The following NELL2 variants were observed in gnomAD, a reference collection of about 807,000 sequenced individuals.
NELL2 encodes neural EGFL like 2.
In NELL2, 41 loss-of-function variants were observed where a neutral mutation model predicts 109.6. The observed-to-expected ratio is 0.37, with a 90% CI of 0.29 to 0.49. NELL2 has a LOEUF of 0.49. Ranked by LOEUF, NELL2 falls within the 20% of genes least tolerant of loss-of-function variation. The pLI, the probability that NELL2 is intolerant of heterozygous loss-of-function variation, is 0.98. For missense variants in NELL2, 900 were observed against 1,008.3 expected, an observed-to-expected ratio of 0.89 and a Z score of 1.45; for synonymous variants, 355 against 344.7, an observed-to-expected ratio of 1.03 and a Z score of -0.33.
At chr12:44,852,903 G>T (rs187367725) in intron 2 of NELL2, among the ~76,000 whole-genome samples, 1 of 152,108 alleles carries the variant, frequency 6.6e-6, no homozygotes, top group East Asian at 1.9e-4. Context: ...ACTATGAGAT[G>T]CTTTATTGTA....
In NELL2 at chr12:44,600,329, C is replaced by T. The variant is rs559364894; in HGVS notation, c.1663+6840G>A. ...CGGCCGGAAAACCTAGAATTCTATA[C>T]CCAAGAGTTGGCCACTAATAGAACT... is the stretch of plus-strand genomic sequence containing the variant. On this transcript the variant is annotated intron_variant, in intron 15 of 19. Transcript: ENST00000429094. Among the ~76,000 whole-genome samples the T allele has an allele frequency of 6.6e-5, 10 of 151,582 alleles. No homozygotes were observed. In the South Asian group the frequency reaches 2.1e-3, roughly 32 times the overall value.
intron 13 of NELL2, among the ~76,000 whole-genome samples, chr12:44,614,017 T>G (rs962643642): frequency 6.6e-6 from 1 of 152,038 alleles, no homozygotes; most frequent in South Asian, 2.1e-4. Flanking sequence ...TATGTTCCAA[T>G]GTTTAAGAAG....
chr12:44,779,504 G>T (rs1406684073), intron 5 of NELL2, among the ~76,000 whole-genome samples, 159 bp downstream of exon 5: 1 of 152,046 alleles, frequency 6.6e-6, no homozygotes, highest in Non-Finnish European at 1.5e-5. Flanking sequence ...AATAATGTTT[G>T]CTGGCTAAAA....
At chr12:44,855,778 T>C (rs577482276) in intron 2 of NELL2, among the ~76,000 whole-genome samples, 1 of 152,316 alleles carries the variant, frequency 6.6e-6, no homozygotes, top group Admixed American at 6.5e-5. Context: ...ATGTCCAGGT[T>C]CTTCAAAATG....
intron 2 of NELL2, among the ~76,000 whole-genome samples, chr12:44,868,451 T>C (rs1347383468): frequency 6.6e-6 from 1 of 152,198 alleles, no homozygotes; most frequent in Non-Finnish European, 1.5e-5. Context: ...ATTAATTAGG[T>C]TGATCTCACA....
rs143959643 is a variant in NELL2, at chr12:44,851,428, A to C, written c.184+23797T>G. ...GTTCTAAAACCTCAGACAAGCCAAA[A>C]TTTGGACTCTTTGTTTATGATTGCA... On this transcript the variant is annotated intron_variant, in intron 2 of 19. Transcript: ENST00000429094. Among the ~76,000 whole-genome samples, 17 of 152,302 alleles carry C rather than the reference A, an allele frequency of 1.1e-4. No homozygotes were observed. In the East Asian group the frequency reaches 3.3e-3, roughly 29 times the overall value.
intron 13 of NELL2, among the ~76,000 whole-genome samples, chr12:44,664,063 A>G (rs540387651): frequency 6.6e-6 from 1 of 152,232 alleles, no homozygotes; most frequent in South Asian, 2.1e-4. Context: ...TTTCTTGTTA[A>G]AGATGAAATG....
At position 44,523,193 on chromosome 12, in the gene NELL2, T is replaced by G. The variant is rs1036994131; in HGVS notation, c.1998+98A>C. ...TTAATTGTGATGGTAGGTAAGTGGA[T>G]GTACACATTGTCAAAACTCATCAAG... is the stretch of plus-strand genomic sequence containing the variant. On this transcript the variant is annotated intron_variant, in intron 17 of 19. Transcript: ENST00000429094. 7 of 1,119,420 alleles carry G rather than the reference T, an allele frequency of 6.3e-6. No individual in the cohort carries two copies. In the East Asian group the frequency reaches 1.7e-4, roughly 27 times the overall value. The allele number at this position is 1,119,420 out of a possible 1,614,324, so 69.3% of individuals were successfully genotyped here.
chr12:44,903,268 G>A (rs958925309), intron 1 of NELL2, among the ~76,000 whole-genome samples: 1 of 152,162 alleles, frequency 6.6e-6, no homozygotes, highest in Non-Finnish European at 1.5e-5. Context: ...CATTTATGTG[G>A]CCAACAAACA....
chr12:44,754,517 T>C (rs1261673743), intron 9 of NELL2, among the ~76,000 whole-genome samples: 1 of 152,204 alleles, frequency 6.6e-6, no homozygotes, highest in African/African-American at 2.4e-5. Flanking sequence ...TCAACTGCCA[T>C]CATCCTAGTT....
At chr12:44,715,937 T>C (rs189225065) in intron 9 of NELL2, among the ~76,000 whole-genome samples, 8 of 152,158 alleles carry the variant, frequency 5.3e-5, no homozygotes, top group African/African-American at 1.9e-4. Context: ...AGGAAGAAAG[T>C]AGACATATTT....
In NELL2 at chr12:44,666,629, G is replaced by C. The variant is rs563137001; in HGVS notation, c.1319-1020C>G. ...AAAGAAATAATTGACATAATCTCAG[G>C]AATCTATATTTTAGAACTGTAGGGT... On this transcript the variant is annotated intron_variant, in intron 12 of 19. Coordinates refer to ENST00000429094, the MANE Select transcript of NELL2 (RefSeq NM_001145108.2). Among the ~76,000 whole-genome samples the C allele has an allele frequency of 4.6e-5, 7 of 152,256 alleles. No homozygotes were observed. In the East Asian group the frequency reaches 1.4e-3, roughly 29 times the overall value.
chr12:44,874,299 C>G (rs1288015816), intron 2 of NELL2, among the ~76,000 whole-genome samples: 1 of 152,132 alleles, frequency 6.6e-6, no homozygotes, highest in African/African-American at 2.4e-5. Flanking sequence ...AGCTTTAGTC[C>G]ATTAGATATG....
At chr12:44,676,321 T>G (rs1948315848) in intron 12 of NELL2, among the ~76,000 whole-genome samples, 1 of 152,126 alleles carries the variant, frequency 6.6e-6, no homozygotes, top group Non-Finnish European at 1.5e-5. Flanking sequence ...GATAAGAATT[T>G]TTTTAAATAT....
At chr12:44,777,203 T>C (rs2136591323) in intron 6 of NELL2, 39 bp downstream of exon 6, 1 of 1,607,674 alleles carries the variant, frequency 6.2e-7, no homozygotes. Flanking sequence ...TGACAAGTAA[T>C]ATATGGGGAC....
At chr12:44,724,678 G>A in intron 9 of NELL2, among the ~76,000 whole-genome samples, 1 of 151,672 alleles carries the variant, frequency 6.6e-6, no homozygotes, top group African/African-American at 2.4e-5. Context: ...TGGCTACACA[G>A]CCCAAAGCAG....
chr12:44,521,900 TG>T, intron 18 of NELL2, 99 bp downstream of exon 18: 1 of 1,158,880 alleles, frequency 8.6e-7, no homozygotes, highest in Non-Finnish European at 1.2e-6. Flanking sequence ...GTCAACACTG[TG>T]GCCTGGTGCT....
chr12:44,724,813 A>AGG (rs58909403), intron 9 of NELL2, among the ~76,000 whole-genome samples: 12 of 149,300 alleles, frequency 8.0e-5, no homozygotes, highest in African/African-American at 3.0e-4. Flanking sequence ...GGCAATCCTA[A>AGG]GGGGAAAAAA....
chr12:44,869,874 T>C (rs1945114263), intron 2 of NELL2, among the ~76,000 whole-genome samples: 1 of 152,224 alleles, frequency 6.6e-6, no homozygotes, highest in African/African-American at 2.4e-5. Context: ...TATCAAGTTA[T>C]GAATATGTTT....
Sources: gnomAD v4.1 joint callset for allele counts (sites outside exome capture counted in the v4.1 genomes callset) on GRCh38, gnomAD v4.1.1 for gene constraint, MANE v1.5 for transcripts, NCBI Gene and HGNC (gene_info 2026-07-23, HGNC 2026-07-21) for gene names.